The following P4HA3 variants were observed in gnomAD, a reference collection of about 807,000 sequenced individuals.
P4HA3 encodes prolyl 4-hydroxylase subunit alpha-3.
A neutral mutation model predicts 66.7 loss-of-function variants in P4HA3; 60 were observed. The observed-to-expected ratio is 0.90, with a 90% CI of 0.73 to 1.12. P4HA3 has a LOEUF of 1.12. Among genes scored for constraint, P4HA3 ranks in the 50% most tolerant of loss-of-function variants. P4HA3 has a pLI of 0.00. For missense variants in P4HA3, 683 were observed against 685.8 expected, an observed-to-expected ratio of 1.00 and a Z score of 0.05; for synonymous variants, 263 against 274.6, an observed-to-expected ratio of 0.96 and a Z score of 0.42.
downstream of P4HA3, among the ~76,000 whole-genome samples, chr11:74,264,552 T>G (rs1317503302): frequency 3.3e-5 from 5 of 152,276 alleles, no homozygotes; most frequent in East Asian, 9.7e-4. Context: ...GCTCCATTTC[T>G]AGGGGCAGGG....
At chr11:74,284,156 A>G (rs930598599) in intron 7 of P4HA3, among the ~76,000 whole-genome samples, 2 of 152,252 alleles carry the variant, frequency 1.3e-5, no homozygotes, top group African/African-American at 4.8e-5. Context: ...TAAAGAGGCA[A>G]CATGCTTATA....
chr11:74,267,135 G>T lies in P4HA3; in HGVS notation c.*113C>A, dbSNP rs1394218189. 2 of 1,565,586 alleles carry T rather than the reference G, an allele frequency of 1.3e-6. No homozygotes were observed. The highest frequency in any genetic ancestry group is 2.3e-5 in the East Asian group (1 of 43,682). The stretch of plus-strand genomic sequence containing the variant: ...TGATTTGCGAGGCACAGACAAAGCT[G>T]ACAAGGCCTTCTTCCAGGAGGCTGC... On this transcript the variant is annotated 3_prime_UTR_variant, in exon 13 of 13. Coordinates refer to ENST00000331597, the MANE Select transcript of P4HA3 (RefSeq NM_182904.5).
At chr11:74,292,622 T>C (rs1004970682) in intron 4 of P4HA3, among the ~76,000 whole-genome samples, 3 of 152,224 alleles carry the variant, frequency 2.0e-5, no homozygotes, top group Non-Finnish European at 2.9e-5. Context: ...TTTGAAGCTG[T>C]CCCAGAGATT....
At position 74,277,075 on chromosome 11, in the gene P4HA3, G is replaced by A; in HGVS notation, c.1245C>T (p.Gly415=). 1 of 1,614,146 alleles carries A rather than the reference G, an allele frequency of 6.2e-7. No homozygotes were observed. The highest frequency in any genetic ancestry group is 1.7e-5 in the Admixed American group (1 of 60,016). ...TLNHRIAALT[G]LDVRPPYAEY... ...CTGCATAGGGAGGCCGGACATCAAG[G>A]CCTGTGAGGGCAGCAATGCGGTGGT... The change falls in exon 9 of 13, where the codon GGC becomes GGT. Residue 415 remains glycine (G), a synonymous_variant. Transcript: ENST00000331597.
At chr11:74,262,584 C>A (rs1177161175), downstream of P4HA3, among the ~76,000 whole-genome samples, 1 of 152,124 alleles carries the variant, frequency 6.6e-6, no homozygotes, top group African/African-American at 2.4e-5. Flanking sequence ...TTCTTTAAAC[C>A]CCATTTTCCT....
downstream of P4HA3, chr11:74,266,573 A>G (rs73549071): frequency 0.048 from 7,851 of 163,680 alleles, 506 homozygotes; most frequent in African/African-American, 0.15. Flanking sequence ...CAGATGGGGA[A>G]CACATGGATG....
In P4HA3 at chr11:74,308,285, G is replaced by A. The variant is rs1387232367; in HGVS notation, c.200+3127C>T. Among the ~76,000 whole-genome samples the A allele has an allele frequency of 2.6e-5, 4 of 152,094 alleles. No homozygotes were observed. In the East Asian group the frequency reaches 7.7e-4, roughly 29 times the overall value. ...CCCAACACTTTGGGAGCCCGAGGAG[G>A]GAGGATCACTTCAGGTCAGGAGTTC... On this transcript the variant is annotated intron_variant, in intron 1 of 12. Coordinates refer to ENST00000331597, the MANE Select transcript of P4HA3 (RefSeq NM_182904.5).
chr11:74,289,135 T>TAAAAAAAA lies in P4HA3; in HGVS notation c.718-13_718-6dup. 7.3e-7 allele frequency: 1 copy of TAAAAAAAA among 1,377,806 alleles called. No individual in the cohort carries two copies. Among genetic ancestry groups the TAAAAAAAA allele is most frequent in the Non-Finnish European group, 9.8e-7 (1 of 1,023,714 alleles). The allele number at this position is 1,377,806 out of a possible 1,614,324, so 85.3% of individuals were successfully genotyped here. ...GGCACACGAAACATTTCCTGCCTGTTAAAAAAAAAAAAAAGAAAAGAAAGC... is the reference window on the plus strand; with the variant it reads ...GGCACACGAAACATTTCCTGCCTGTTAAAAAAAAAAAAAAAAAAAAAAGAAAAGAAAGC... On this transcript the variant is annotated splice_polypyrimidine_tract_variant and splice_region_variant and intron_variant, in intron 4 of 12. Transcript: ENST00000331597.
intron 4 of P4HA3, among the ~76,000 whole-genome samples, chr11:74,291,410 C>T (rs1216572121): frequency 2.0e-5 from 3 of 152,156 alleles, no homozygotes; most frequent in Non-Finnish European, 2.9e-5. Context: ...ATTTGACTTC[C>T]TCTTTTCCTA....
chr11:74,300,754 C>T (rs999702907), intron 3 of P4HA3, among the ~76,000 whole-genome samples: 12 of 152,082 alleles, frequency 7.9e-5, no homozygotes, highest in African/African-American at 2.4e-5. Flanking sequence ...TGTGAGTTGG[C>T]GATACCACTC....
intron 3 of P4HA3, among the ~76,000 whole-genome samples, chr11:74,301,842 C>A (rs1449734653): frequency 6.6e-6 from 1 of 152,128 alleles, no homozygotes; most frequent in Non-Finnish European, 1.5e-5. Context: ...TTTTGTACTT[C>A]CAAATGCTTA....
chr11:74,294,747 C>T (rs568273498), intron 4 of P4HA3, among the ~76,000 whole-genome samples: 1 of 152,328 alleles, frequency 6.6e-6, no homozygotes, highest in East Asian at 1.9e-4. Flanking sequence ...GCAGCAGTGG[C>T]TGCAGAACAG....
chr11:74,277,949 T>C (rs1326771854), intron 8 of P4HA3, among the ~76,000 whole-genome samples: 5 of 152,198 alleles, frequency 3.3e-5, no homozygotes, highest in Admixed American at 6.5e-5. Context: ...TTCTTTCAAA[T>C]AGAGTGCAAG....
At position 74,273,532 on chromosome 11, in the gene P4HA3, G is replaced by A. The variant is rs1860278578; in HGVS notation, c.1398+13C>T. The A allele has an allele frequency of 6.6e-7, 1 of 1,516,180 alleles. No individual in the cohort carries two copies. The highest frequency in any genetic ancestry group is 1.3e-5 in the South Asian group (1 of 74,112). The allele number at this position is 1,516,180 out of a possible 1,614,324, so 93.9% of individuals were successfully genotyped here. Reference sequence around the variant, plus strand: ...AGTCAGTCATGAAGTAAGAAGCCCAGAGCAATACTCACATAGATCATAAAT... The same window carrying A: ...AGTCAGTCATGAAGTAAGAAGCCCAAAGCAATACTCACATAGATCATAAAT... On this transcript the variant is annotated intron_variant, in intron 10 of 12. Coordinates refer to ENST00000331597, the MANE Select transcript of P4HA3 (RefSeq NM_182904.5).
rs1565403033 is a variant in P4HA3 at position 74,267,333 on chromosome 11, G to C, written c.1565-15C>G. 6.2e-7 allele frequency: 1 copy of C among 1,613,416 alleles called. No individual in the cohort carries two copies. Among genetic ancestry groups the C allele is most frequent in the African/African-American group, 1.3e-5 (1 of 75,028 alleles). On this transcript the variant is annotated splice_polypyrimidine_tract_variant and intron_variant, in intron 12 of 12. Coordinates refer to ENST00000331597, the MANE Select transcript of P4HA3 (RefSeq NM_182904.5). Reference sequence around the variant, plus strand: ...CTTGTTGGCCACTGGGAGAGAACAGGGAAGAAGGAGACAGCAGGCTCAGCA... The same window carrying C: ...CTTGTTGGCCACTGGGAGAGAACAGCGAAGAAGGAGACAGCAGGCTCAGCA...
chr11:74,259,762 T>G (rs755701757), intron 15 of P4HA3: 1 of 152,264 alleles, frequency 6.6e-6, no homozygotes, highest in Non-Finnish European at 1.5e-5. Flanking sequence ...CAAAATTCTG[T>G]TCCATTTTAT....
At chr11:74,271,852 T>C (rs1860211670) in intron 10 of P4HA3, among the ~76,000 whole-genome samples, 1 of 152,188 alleles carries the variant, frequency 6.6e-6, no homozygotes, top group Admixed American at 6.5e-5. Context: ...ATGAAAGACT[T>C]GGGCATAATC....
chr11:74,273,307 T>C (rs566379930), intron 10 of P4HA3, among the ~76,000 whole-genome samples: 3 of 152,248 alleles, frequency 2.0e-5, no homozygotes, highest in Admixed American at 1.3e-4. Flanking sequence ...CCACTGCCCA[T>C]ACCAAGGTCA....
intron 14 of P4HA3, among the ~76,000 whole-genome samples, chr11:74,260,829 C>T (rs1467315258): frequency 6.6e-6 from 1 of 152,136 alleles, no homozygotes; most frequent in African/African-American, 2.4e-5. Context: ...CCTCCATATG[C>T]ACATATGGAC....
Sources: allele counts gnomAD v4.1 joint callset (sites outside exome capture counted in the v4.1 genomes callset), GRCh38; gene constraint gnomAD v4.1.1; transcripts MANE v1.5; gene names NCBI Gene and HGNC (gene_info 2026-07-23, HGNC 2026-07-21).